POLR3GL: variants seen among roughly 807,000 people sequenced by gnomAD.
POLR3GL encodes DNA-directed RNA polymerase III subunit RPC7-like.
In POLR3GL, 26 loss-of-function variants were observed where a neutral mutation model predicts 32.4. That is an observed-to-expected ratio of 0.80 (90% CI 0.59 to 1.11). POLR3GL has a LOEUF of 1.11. Ranked by LOEUF, POLR3GL falls within the 50% of genes most tolerant of loss-of-function variation. The pLI, the probability that POLR3GL is intolerant of heterozygous loss-of-function variation, is 0.00. For synonymous variants in POLR3GL, 95 were observed against 98.7 expected (o/e 0.96, Z 0.22); for missense variants, 229 against 280.1 (o/e 0.82, Z 1.30).
At chr1:145,969,345 A>G (rs1553762341) in intron 1 of POLR3GL, among the ~76,000 whole-genome samples, 2 of 151,524 alleles carry the variant, frequency 1.3e-5, no homozygotes, top group African/African-American at 2.4e-5. Flanking sequence ...GCTCACTGCA[A>G]CCTCCACCTC....
In POLR3GL at chr1:145,975,448, T is replaced by G; in HGVS notation, c.256+12T>G. On this transcript the variant is annotated intron_variant, in intron 3 of 7. Transcript: ENST00000369314. ...TGTCCCCAAGAGAGGTCAGTTGGAA[T>G]GCTAGCATCATATTCTGAGTGCCTT... 2 of 1,612,538 alleles carry G rather than the reference T, an allele frequency of 1.2e-6. No individual in the cohort carries two copies. Among genetic ancestry groups the G allele is most frequent in the Admixed American group, 1.7e-5 (1 of 59,988 alleles).
rs11547508 is a variant in POLR3GL at position 145,977,516 on chromosome 1, G to A, written c.359G>A (p.Arg120Gln). The part of the protein sequence containing the change: ...WRRLPRELKI[R>Q]VRKLQKERIT... ...CGTCTACCCCGGGAGCTAAAGATCC[G>A]AGTGCGGAAGCTACAGAAGGAACGT... is the stretch of plus-strand genomic sequence containing the variant. Residue 120 changes from arginine (R) to glutamine (Q), a missense_variant, in exon 5 of 8, where the codon CGA (arginine) becomes CAA (glutamine). Transcript: ENST00000369314. 2.0e-5 allele frequency: 33 copies of A among 1,613,986 alleles called. No homozygotes were observed. In the African/African-American group the frequency reaches 2.9e-4, roughly 14 times the overall value.
chr1:145,970,875 CAAAAAAAAAAAAA>C (rs35524546), intron 1 of POLR3GL, among the ~76,000 whole-genome samples: 2 of 13,202 alleles, frequency 1.5e-4, no homozygotes, highest in African/African-American at 4.4e-4. Context: ...AACTCCATCT[CAAAAAAAAAAAAA>C]AAAAAAAAAA....
chr1:145,977,244 C>T (rs782334548), intron 4 of POLR3GL, 92 bp downstream of exon 4: 1 of 1,138,388 alleles, frequency 8.8e-7, no homozygotes, highest in Non-Finnish European at 1.3e-6. Flanking sequence ...CCACCCCATT[C>T]CCCGATCCAG....
chr1:145,970,801 GGGAGGC>G (rs2101932578), intron 1 of POLR3GL, among the ~76,000 whole-genome samples: 2 of 150,098 alleles, frequency 1.3e-5, no homozygotes, highest in East Asian at 3.9e-4. Context: ...GCTTGAACCC[GGGAGGC>G]GGAGGTTGCA....
chr1:145,975,005 C>T lies in POLR3GL; in HGVS notation c.126+14C>T, dbSNP rs1553763191. ...CCACTCTTCCCTGTGAGTCTCTCCA[C>T]TCCCTTCCCAGACTCTCATGTGCCC... On this transcript the variant is annotated intron_variant, in intron 2 of 7. Transcript: ENST00000369314. 2.0e-6 allele frequency: 3 copies of T among 1,508,898 alleles called. No homozygotes were observed. The highest frequency in any genetic ancestry group is 2.7e-5 in the South Asian group (2 of 73,966). The allele number at this position is 1,508,898 out of a possible 1,614,324, so 93.5% of individuals were successfully genotyped here.
intron 4 of POLR3GL, 79 bp from the exon 5 acceptor site, chr1:145,977,403 AC>A: frequency 7.2e-7 from 1 of 1,386,314 alleles, no homozygotes; most frequent in Non-Finnish European, 1.0e-6. Flanking sequence ...TAAAACCCTC[AC>A]CCCCCTTTAA....
chr1:145,973,850 G>A (rs182687350), intron 1 of POLR3GL, among the ~76,000 whole-genome samples: 9 of 150,934 alleles, frequency 6.0e-5, no homozygotes, highest in Admixed American at 4.6e-4. Flanking sequence ...ATGCTTCCAA[G>A]TGGTGTTTAA....
chr1:145,965,128 G>C (rs1570986933), intron 1 of POLR3GL, among the ~76,000 whole-genome samples: 1 of 152,190 alleles, frequency 6.6e-6, no homozygotes, highest in East Asian at 1.9e-4. Flanking sequence ...CTTGCAAAAT[G>C]AATTGTTCCC....
Position 145,977,808 on chromosome 1 carries a change from C to G in POLR3GL, c.413C>G (p.Pro138Arg). ...ACAATTCTGCTCCCCAAGAGGCCCC[C>G]TAAGACCACAGAAGATAAGGAGGAA... ...RITILLPKRP[P>R]KTTEDKEETI... Residue 138 changes from proline (P) to arginine (R), a missense_variant, in exon 6 of 8, where the codon CCT (proline) becomes CGT (arginine). Pro to Arg is a moderately radical substitution (Grantham distance 103). Transcript: ENST00000369314. 2.5e-6 allele frequency: 4 copies of G among 1,614,036 alleles called. No individual in the cohort carries two copies. Among genetic ancestry groups the G allele is most frequent in the Non-Finnish European group, 3.4e-6 (4 of 1,179,934 alleles).
chr1:145,977,899 C>G, intron 6 of POLR3GL, 48 bp downstream of exon 6: 3 of 1,613,822 alleles, frequency 1.9e-6, no homozygotes, highest in Non-Finnish European at 2.5e-6. Flanking sequence ...GGATCCATTC[C>G]CTCTCTCTTG....
At chr1:145,971,348 T>C (rs1553762648) in intron 1 of POLR3GL, among the ~76,000 whole-genome samples, 1 of 152,172 alleles carries the variant, frequency 6.6e-6, no homozygotes, top group African/African-American at 2.4e-5. Flanking sequence ...TTCCACATTA[T>C]ATTTAGTTGT....
rs782379785 is a variant in POLR3GL, at chr1:145,975,341, G to A, written c.161G>A (p.Gly54Asp). The change falls in exon 3 of 8, where the codon GGC becomes GAC. Residue 54 changes from glycine (G) to aspartate (D), a missense_variant. By Grantham distance (94) the Gly-to-Asp change is moderately conservative. Coordinates refer to ENST00000369314, the MANE Select transcript of POLR3GL (RefSeq NM_032305.3). Reference protein sequence around the residue: ...LEFRPVPLPSGEEGEYVLALK... With the variant: ...LEFRPVPLPSDEEGEYVLALK... ...TTCCGCCCAGTACCTTTGCCCTCAG[G>A]CGAGGAAGGGGAATATGTCCTGGCA... 1.9e-5 allele frequency: 31 copies of A among 1,614,158 alleles called. No homozygotes were observed. The highest frequency in any genetic ancestry group is 5.0e-5 in the Admixed American group (3 of 60,022).
chr1:145,975,543 G>T, intron 3 of POLR3GL, 107 bp downstream of exon 3: 1 of 1,297,098 alleles, frequency 7.7e-7, no homozygotes, highest in South Asian at 1.4e-5. Flanking sequence ...TATCTAACTG[G>T]GGAGATCATA....
Position 145,974,872 on chromosome 1 carries a change from A to C in POLR3GL, c.7A>C (p.Ser3Arg), listed in dbSNP as rs782761539. MA[S>R]RGGGRGRGRG... is the part of the protein sequence containing the mutation. ...TACCCAGGCCCCCTCCACCATGGCC[A>C]GCCGGGGTGGGGGCCGGGGTCGTGG... Residue 3 changes from serine to arginine, a missense_variant, in exon 2 of 8, where the codon AGC becomes CGC. By Grantham distance (110) the Ser-to-Arg change is moderately radical. Coordinates refer to ENST00000369314, the MANE Select transcript of POLR3GL (RefSeq NM_032305.3). 2.0e-6 allele frequency: 3 copies of C among 1,516,186 alleles called. No homozygotes were observed. The highest frequency in any genetic ancestry group is 2.6e-6 in the Non-Finnish European group (3 of 1,141,692). The allele number at this position is 1,516,186 out of a possible 1,614,324, so 93.9% of individuals were successfully genotyped here.
chr1:145,973,283 A>G (rs1407048152), intron 1 of POLR3GL, among the ~76,000 whole-genome samples: 1 of 152,082 alleles, frequency 6.6e-6, no homozygotes, highest in African/African-American at 2.4e-5. Context: ...AGGATTGATG[A>G]TAAGAGACAG....
intron 3 of POLR3GL, among the ~76,000 whole-genome samples, chr1:145,975,908 C>T (rs1054146261): frequency 2.0e-5 from 3 of 151,954 alleles, no homozygotes; most frequent in African/African-American, 7.3e-5. Context: ...TTCTTATTCC[C>T]TAGCATACTT....
At chr1:145,977,442 A>C in intron 4 of POLR3GL, 41 bp from the exon 5 acceptor site, 1 of 1,590,036 alleles carries the variant, frequency 6.3e-7, no homozygotes, top group Non-Finnish European at 8.6e-7. Flanking sequence ...TGGAGACCCC[A>C]GGCAGGGTCC....
chr1:145,965,064 G>C (rs1397862830), intron 1 of POLR3GL, among the ~76,000 whole-genome samples: 4 of 152,198 alleles, frequency 2.6e-5, no homozygotes, highest in Admixed American at 6.5e-5. Flanking sequence ...ACAAACTCCT[G>C]TTATCTATGA....
Sources: allele counts gnomAD v4.1 joint callset (sites outside exome capture counted in the v4.1 genomes callset), GRCh38; gene constraint gnomAD v4.1.1; transcripts MANE v1.5; gene names NCBI Gene and HGNC (gene_info 2026-07-23, HGNC 2026-07-21).